The following SNTB2 variants were observed in gnomAD, a reference collection of about 807,000 sequenced individuals.
SNTB2 encodes beta-2-syntrophin.
A neutral mutation model predicts 46.2 loss-of-function variants in SNTB2; 34 were observed. That is an observed-to-expected ratio of 0.74 (90% CI 0.56 to 0.98). The LOEUF is 0.98. Ranked by LOEUF, SNTB2 falls within the 50% of genes least tolerant of loss-of-function variation. SNTB2 has a pLI of 0.00. For synonymous variants in SNTB2, 290 were observed against 312.6 expected (o/e 0.93, Z 0.76); for missense variants, 603 against 731.4 (o/e 0.82, Z 2.02).
At position 69,187,402 on chromosome 16, in the gene SNTB2, C is replaced by T; in HGVS notation, c.236C>T (p.Ala79Val). 7.9e-7 allele frequency: 1 copy of T among 1,265,406 alleles called. No individual in the cohort carries two copies. Among genetic ancestry groups the T allele is most frequent in the African/African-American group, 1.6e-5 (1 of 63,730 alleles). The allele number at this position is 1,265,406 out of a possible 1,614,324, so 78.4% of individuals were successfully genotyped here. A position where few individuals can be genotyped will look rare whatever the true frequency, so the allele number is the denominator to read the frequency against. ...AACGGCCTCCCAAACGGCGGCGGCGCGGGCGACTCGCTGCCCGGGAGCCCA... is the reference window on the plus strand; with the variant it reads ...AACGGCCTCCCAAACGGCGGCGGCGTGGGCGACTCGCTGCCCGGGAGCCCA... Reference protein sequence around the residue: ...AFNGLPNGGGAGDSLPGSPSR... With the variant: ...AFNGLPNGGGVGDSLPGSPSR... Residue 79 changes from alanine (A) to valine (V), a missense_variant, in exon 1 of 7, where the codon GCG becomes GTG. Transcript: ENST00000336278.
intron 5 of SNTB2, among the ~76,000 whole-genome samples, chr16:69,285,512 C>T (rs1381506886): frequency 6.6e-6 from 1 of 150,760 alleles, no homozygotes; most frequent in African/African-American, 2.4e-5. Context: ...CAGGGTCTAG[C>T]TCTGTCACCC....
chr16:69,195,958 T>A (rs1964101426), intron 1 of SNTB2, among the ~76,000 whole-genome samples: 1 of 152,176 alleles, frequency 6.6e-6, no homozygotes, highest in Non-Finnish European at 1.5e-5. Context: ...AAAATAATTT[T>A]GGCCGGGCAT....
intron 1 of SNTB2, 100 bp from the exon 2 acceptor site, chr16:69,245,502 C>T (rs1964661683): frequency 8.3e-7 from 1 of 1,208,170 alleles, no homozygotes; most frequent in South Asian, 1.3e-5. Flanking sequence ...GCTCTTTCCT[C>T]CACTTTGTTA....
At chr16:69,240,728 G>A (rs1007505648) in intron 1 of SNTB2, 1 of 152,202 alleles carries the variant, frequency 6.6e-6, no homozygotes, top group Non-Finnish European at 1.5e-5. Flanking sequence ...GGAACATAAC[G>A]ATTATATGAG....
intron 3 of SNTB2, among the ~76,000 whole-genome samples, chr16:69,265,892 A>T (rs972410971): frequency 6.6e-6 from 1 of 152,022 alleles, no homozygotes; most frequent in East Asian, 1.9e-4. Context: ...AGGTTTGTGC[A>T]TGTGTAGGTG....
chr16:69,237,792 C>T (rs981141952), intron 1 of SNTB2, among the ~76,000 whole-genome samples: 12 of 151,688 alleles, frequency 7.9e-5, no homozygotes, highest in East Asian at 3.9e-4. Flanking sequence ...TGAGTAGAGA[C>T]GGAGTTTCTC....
intron 1 of SNTB2, among the ~76,000 whole-genome samples, chr16:69,216,016 A>G (rs1051797942): frequency 6.6e-6 from 1 of 152,148 alleles, no homozygotes; most frequent in Non-Finnish European, 1.5e-5. Flanking sequence ...AGGTCTTACC[A>G]TGTTACCCAG....
At chr16:69,187,918 T>C (rs1430364797) in intron 1 of SNTB2, among the ~76,000 whole-genome samples, 172 bp downstream of exon 1, 1 of 152,092 alleles carries the variant, frequency 6.6e-6, no homozygotes, top group African/African-American at 2.4e-5. Context: ...CAGGAAAAGT[T>C]GGGCAGCCGC....
chr16:69,246,728 A>C (rs1964673097), intron 2 of SNTB2, among the ~76,000 whole-genome samples: 1 of 146,624 alleles, frequency 6.8e-6, no homozygotes. Flanking sequence ...GATTATTGCC[A>C]CAATTTCAGC....
chr16:69,278,042 C>T (rs1186106691), intron 4 of SNTB2, among the ~76,000 whole-genome samples: 2 of 152,114 alleles, frequency 1.3e-5, no homozygotes, highest in Non-Finnish European at 2.9e-5. Context: ...ATGAGCCAGG[C>T]ACGGCGGCAC....
chr16:69,200,175 A>C (rs2152289801), intron 1 of SNTB2, among the ~76,000 whole-genome samples: 1 of 152,242 alleles, frequency 6.6e-6, no homozygotes, highest in South Asian at 2.1e-4. Flanking sequence ...CGGCCTCCCA[A>C]AGGAGGGGGA....
At chr16:69,235,250 G>A (rs955658379) in intron 1 of SNTB2, among the ~76,000 whole-genome samples, 3 of 151,724 alleles carry the variant, frequency 2.0e-5, no homozygotes, top group Admixed American at 6.6e-5. Flanking sequence ...ACTTGGTTCC[G>A]ATGAGTGGTT....
intron 2 of SNTB2, among the ~76,000 whole-genome samples, chr16:69,247,055 A>AT (rs1276953065): frequency 2.4e-3 from 358 of 147,266 alleles, no homozygotes; most frequent in Non-Finnish European, 4.3e-3. Context: ...TAATAAAAAA[A>AT]ATATATATAT....
chr16:69,220,180 TGAGACAGA>T (rs1964387670), intron 1 of SNTB2, among the ~76,000 whole-genome samples: 1 of 143,006 alleles, frequency 7.0e-6, no homozygotes, highest in African/African-American at 2.7e-5. Flanking sequence ...TTTTTTTTTT[TGAGACAGA>T]GTCTTACTCG....
At chr16:69,244,443 C>T (rs981026505) in intron 1 of SNTB2, among the ~76,000 whole-genome samples, 1 of 152,096 alleles carries the variant, frequency 6.6e-6, no homozygotes, top group Non-Finnish European at 1.5e-5. Flanking sequence ...ATTATAAAAC[C>T]TTTTATACCT....
chr16:69,195,343 T>C (rs1244179182), intron 1 of SNTB2, among the ~76,000 whole-genome samples: 1 of 152,190 alleles, frequency 6.6e-6, no homozygotes, highest in African/African-American at 2.4e-5. Flanking sequence ...TGATCATTGC[T>C]TACTGCAGCC....
chr16:69,284,350 G>A, intron 5 of SNTB2, 106 bp downstream of exon 5: 1 of 847,388 alleles, frequency 1.2e-6, no homozygotes, highest in Non-Finnish European at 1.7e-6. Context: ...ATACATGACA[G>A]CAGTCCCCTC....
rs1965330131 is a variant in SNTB2, at chr16:69,308,266, C to G, written c.*7342C>G. The G allele has an allele frequency of 6.6e-6, 1 of 152,592 alleles. No individual in the cohort carries two copies. The highest frequency in any genetic ancestry group is 2.4e-5 in the African/African-American group (1 of 41,424). The allele number at this position is 152,592 out of a possible 1,614,324, so 9.5% of individuals were successfully genotyped here. A position where few individuals can be genotyped will look rare whatever the true frequency, so the allele number is the denominator to read the frequency against. On this transcript the variant is annotated 3_prime_UTR_variant, in exon 7 of 7. Transcript: ENST00000336278. ...AAATGTCTTTCCTTCTATCTGGGTC[C>G]TGTTAAAGCGGGTGTCAGTTGTGTC... is the stretch of plus-strand genomic sequence containing the variant.
At chr16:69,281,702 G>A (rs1465957871) in intron 4 of SNTB2, among the ~76,000 whole-genome samples, 2 of 151,502 alleles carry the variant, frequency 1.3e-5, no homozygotes, top group East Asian at 4.0e-4. Flanking sequence ...AATTAGCTGG[G>A]TATGGTGGCA....
Sources: gnomAD v4.1 joint callset for allele counts (sites outside exome capture counted in the v4.1 genomes callset) on GRCh38, gnomAD v4.1.1 for gene constraint, MANE v1.5 for transcripts, NCBI Gene and HGNC (gene_info 2026-07-23, HGNC 2026-07-21) for gene names.